SLC35F1: variants seen among roughly 807,000 people sequenced by gnomAD.
SLC35F1 encodes chromosome 6 open reading frame 169.
In SLC35F1, 14 loss-of-function variants were observed where a neutral mutation model predicts 48.7. The ratio of observed to expected loss-of-function variants is 0.29; its 90% CI spans 0.19 to 0.45. The LOEUF is 0.45. Ranked by LOEUF, SLC35F1 falls within the 20% of genes least tolerant of loss-of-function variation. The pLI is 1.00. For missense variants in SLC35F1, 404 were observed against 500.0 expected, an observed-to-expected ratio of 0.81 and a Z score of 1.83; for synonymous variants, 190 against 202.2, an observed-to-expected ratio of 0.94 and a Z score of 0.51.
At chr6:118,303,992 C>G (rs1257125618) in intron 7 of SLC35F1, among the ~76,000 whole-genome samples, 1 of 152,192 alleles carries the variant, frequency 6.6e-6, no homozygotes, top group Non-Finnish European at 1.5e-5. Flanking sequence ...TCTGCAAACA[C>G]TCTTTTTCCA....
At chr6:118,016,522 T>G (rs1366707450) in intron 1 of SLC35F1, among the ~76,000 whole-genome samples, 2 of 152,214 alleles carry the variant, frequency 1.3e-5, no homozygotes, top group Non-Finnish European at 2.9e-5. Flanking sequence ...GAAAGTAGCA[T>G]GATTTATGTC....
intron 7 of SLC35F1, among the ~76,000 whole-genome samples, chr6:118,313,782 G>T (rs933982793): frequency 2.0e-5 from 3 of 152,094 alleles, no homozygotes; most frequent in Admixed American, 6.6e-5. Context: ...CCTCAGATTG[G>T]CACTTTAGAG....
intron 2 of SLC35F1, among the ~76,000 whole-genome samples, chr6:118,202,667 C>T (rs1369950520): frequency 1.3e-5 from 2 of 152,166 alleles, no homozygotes; most frequent in African/African-American, 4.8e-5. Context: ...GACAACATTC[C>T]TGCTTCCATG....
chr6:118,281,436 G>A (rs987103934), intron 6 of SLC35F1, among the ~76,000 whole-genome samples: 8 of 151,972 alleles, frequency 5.3e-5, no homozygotes, highest in African/African-American at 1.9e-4. Context: ...CCTCTGCTCT[G>A]CTTATGCAAA....
chr6:118,297,148 C>G (rs906316756), intron 7 of SLC35F1, among the ~76,000 whole-genome samples: 3 of 152,148 alleles, frequency 2.0e-5, no homozygotes, highest in Admixed American at 1.3e-4. Context: ...ACATTGTCCT[C>G]CCTCATTTCC....
At chr6:118,123,690 C>A (rs1010746760) in intron 1 of SLC35F1, among the ~76,000 whole-genome samples, 1 of 152,100 alleles carries the variant, frequency 6.6e-6, no homozygotes. Flanking sequence ...ACCCTGTAGC[C>A]CACAATGAGC....
intron 1 of SLC35F1, among the ~76,000 whole-genome samples, chr6:118,095,390 T>G (rs553893086): frequency 1.3e-5 from 2 of 152,276 alleles, no homozygotes; most frequent in African/African-American, 4.8e-5. Flanking sequence ...CAGATTCTCA[T>G]GTTCTTTATC....
chr6:118,156,231 T>TA, intron 2 of SLC35F1, among the ~76,000 whole-genome samples: 1 of 150,548 alleles, frequency 6.6e-6, no homozygotes, highest in South Asian at 2.1e-4. Context: ...TATCTAAGTG[T>TA]CAAAAAAAAA....
chr6:118,184,881 G>T (rs75762028), intron 2 of SLC35F1, among the ~76,000 whole-genome samples: 2,201 of 152,306 alleles, frequency 0.014, 23 homozygotes, highest in Non-Finnish European at 0.025. Flanking sequence ...CTTGGGCCAT[G>T]ATTCCAAAAT....
At chr6:118,230,647 G>C (rs1427834179) in intron 2 of SLC35F1, among the ~76,000 whole-genome samples, 1 of 152,084 alleles carries the variant, frequency 6.6e-6, no homozygotes. Context: ...CGCACACATA[G>C]AAATGTGAAC....
At chr6:118,279,351 C>T (rs1775954542) in intron 6 of SLC35F1, among the ~76,000 whole-genome samples, 1 of 152,114 alleles carries the variant, frequency 6.6e-6, no homozygotes, top group African/African-American at 2.4e-5. Context: ...CTTTCTGAAG[C>T]ATTTGTAGGG....
intron 1 of SLC35F1, among the ~76,000 whole-genome samples, chr6:117,953,138 C>A (rs1408836157): frequency 2.0e-5 from 3 of 152,140 alleles, no homozygotes; most frequent in Non-Finnish European, 4.4e-5. Flanking sequence ...TTTTATTCTG[C>A]CTTTTAACTG....
At chr6:117,915,688 T>A (rs1447184607) in intron 1 of SLC35F1, among the ~76,000 whole-genome samples, 1 of 152,190 alleles carries the variant, frequency 6.6e-6, no homozygotes, top group Non-Finnish European at 1.5e-5. Context: ...GTTAGACTTA[T>A]TAAGTTATTT....
chr6:118,110,704 T>C (rs898635251), intron 1 of SLC35F1, among the ~76,000 whole-genome samples: 6 of 152,132 alleles, frequency 3.9e-5, no homozygotes, highest in African/African-American at 9.7e-5. Context: ...CCCTAGACAT[T>C]CCTTAGATAG....
chr6:118,245,987 G>A (rs867150019), intron 3 of SLC35F1, among the ~76,000 whole-genome samples: 1 of 152,084 alleles, frequency 6.6e-6, no homozygotes, highest in South Asian at 2.1e-4. Context: ...GTGGATGAGA[G>A]GGAGAGACAA....
intron 1 of SLC35F1, among the ~76,000 whole-genome samples, chr6:118,102,414 G>A (rs915662206): frequency 1.3e-5 from 2 of 152,116 alleles, no homozygotes; most frequent in South Asian, 2.1e-4. Context: ...GAACTTCTGG[G>A]CTCAAGTGAT....
At chr6:118,189,874 T>C (rs1463348099) in intron 2 of SLC35F1, among the ~76,000 whole-genome samples, 3 of 152,342 alleles carry the variant, frequency 2.0e-5, no homozygotes, top group Admixed American at 1.3e-4. Context: ...GGTTGGCATT[T>C]GCCTTATTTG....
intron 1 of SLC35F1, among the ~76,000 whole-genome samples, chr6:118,118,694 C>G (rs1159646711): frequency 1.3e-5 from 2 of 152,070 alleles, no homozygotes; most frequent in African/African-American, 2.4e-5. Flanking sequence ...GCTGAGTTCT[C>G]ATGAACATTT....
At chr6:118,300,151 T>A (rs283063) in intron 7 of SLC35F1, among the ~76,000 whole-genome samples, 1 of 152,080 alleles carries the variant, frequency 6.6e-6, no homozygotes, top group Non-Finnish European at 1.5e-5. Context: ...ACATCTGTAC[T>A]GAACCTTATA....
Sources: gnomAD v4.1 joint callset for allele counts (sites outside exome capture counted in the v4.1 genomes callset) on GRCh38, gnomAD v4.1.1 for gene constraint, MANE v1.5 for transcripts, NCBI Gene and HGNC (gene_info 2026-07-23, HGNC 2026-07-21) for gene names.